IGFBP4: variants seen among roughly 807,000 people sequenced by gnomAD.
IGFBP4 encodes the protein insulin like growth factor binding protein 4.
Under a neutral mutation model 25.8 loss-of-function variants are expected in IGFBP4, and 9 were observed. The ratio of observed to expected loss-of-function variants is 0.35; its 90% CI spans 0.21 to 0.61. IGFBP4 has a LOEUF of 0.61. IGFBP4 is among the 20% of genes least tolerant of loss of function. IGFBP4 has a pLI of 0.77. For missense variants in IGFBP4, 315 were observed against 365.3 expected, an observed-to-expected ratio of 0.86 and a Z score of 1.12; for synonymous variants, 153 against 153.9, an observed-to-expected ratio of 0.99 and a Z score of 0.05.
chr17:40,453,987 G>C lies in IGFBP4; in HGVS notation c.567G>C (p.Gln189His), dbSNP rs1346163622. 1 of 1,613,498 alleles carries C rather than the reference G, an allele frequency of 6.2e-7. No individual in the cohort carries two copies. Among genetic ancestry groups the C allele is most frequent in the Admixed American group, 1.7e-5 (1 of 59,930 alleles). ...CGCTGGAGCGGCTGGCCGCTTCACAGAGCCGCACCCACGAGGACCTCTACA... is the reference window on the plus strand; with the variant it reads ...CGCTGGAGCGGCTGGCCGCTTCACACAGCCGCACCCACGAGGACCTCTACA... ...HRALERLAAS[Q>H]SRTHEDLYII... is the part of the protein sequence containing the mutation. The change falls in exon 3 of 4, where the codon CAG (glutamine) becomes CAC (histidine). Residue 189 changes from glutamine to histidine, a missense_variant. Gln to His is a conservative substitution (Grantham distance 24, BLOSUM62 0). Transcript: ENST00000269593. The surrounding 1 kb of genome is among the most constrained non-coding windows in gnomAD (Gnocchi z 4.0).
intron 3 of IGFBP4, among the ~76,000 whole-genome samples, chr17:40,454,372 A>G (rs1330147987): frequency 6.6e-5 from 10 of 152,116 alleles, no homozygotes; most frequent in Non-Finnish European, 7.4e-5. Flanking sequence ...TGTGGTGCAG[A>G]CCTAGCAACC....
rs1171196296 is a variant in IGFBP4 at position 40,453,852 on chromosome 17, A to T, written c.508-76A>T. On this transcript the variant is annotated intron_variant, in intron 2 of 3. Coordinates refer to ENST00000269593, the MANE Select transcript of IGFBP4 (RefSeq NM_001552.3). The surrounding 1 kb of genome is among the most constrained non-coding windows in gnomAD (Gnocchi z 4.0). ...CCTCCTTTCGGGGCCTTCAGTTCTC[A>T]CTTAGCTCTGACCCCAGGCCTGGGC... 6.8e-6 allele frequency: 8 copies of T among 1,174,264 alleles called. No homozygotes were observed. In the African/African-American group the frequency reaches 9.3e-5, roughly 14 times the overall value. The allele number at this position is 1,174,264 out of a possible 1,614,324, so 72.7% of individuals were successfully genotyped here.
intron 1 of IGFBP4, among the ~76,000 whole-genome samples, chr17:40,444,727 C>A (rs10305280): frequency 1.3e-5 from 2 of 152,018 alleles, no homozygotes; most frequent in Non-Finnish European, 2.9e-5. Flanking sequence ...TATACAGGCC[C>A]CCTGTTCTTT....
intron 1 of IGFBP4, among the ~76,000 whole-genome samples, chr17:40,452,336 TGTG>T: frequency 6.6e-6 from 1 of 152,266 alleles, no homozygotes; most frequent in South Asian, 2.1e-4. Flanking sequence ...AGGCTGTTCT[TGTG>T]GTCCTGGGGC....
At position 40,444,042 on chromosome 17, in the gene IGFBP4, C is replaced by G; in HGVS notation, c.307C>G (p.Leu103Val). ...GCACGGGCAAGGCGTGTGCATGGAG[C>G]TGGCGGAGATCGAGGCCATCCAGGA... ...LMHGQGVCME[L>V]AEIEAIQESL... The change falls in exon 1 of 4, where the codon CTG becomes GTG. Residue 103 changes from leucine (L) to valine (V), a missense_variant. Transcript: ENST00000269593. 6.5e-7 allele frequency: 1 copy of G among 1,538,936 alleles called. No individual in the cohort carries two copies.
intron 3 of IGFBP4, among the ~76,000 whole-genome samples, chr17:40,455,226 A>G (rs1597676927): frequency 6.6e-6 from 1 of 152,130 alleles, no homozygotes; most frequent in South Asian, 2.1e-4. Context: ...AACATCTTAC[A>G]TTTGTTGCAA....
intron 1 of IGFBP4, among the ~76,000 whole-genome samples, chr17:40,444,936 G>GAC (rs1597673193): frequency 0.054 from 1,896 of 35,360 alleles, 5 homozygotes; most frequent in South Asian, 0.086. Flanking sequence ...CAGAGACAGA[G>GAC]AGAGAGAGAG....
rs375068408 is a variant in IGFBP4, at chr17:40,452,853, C to G, written c.350-132C>G. ...GGCTGCTCTTGTTTCTTCCCGCTCCCCAGGCCCCCTGCTCTTCTCCAGCGC... is the reference window on the plus strand; with the variant it reads ...GGCTGCTCTTGTTTCTTCCCGCTCCGCAGGCCCCCTGCTCTTCTCCAGCGC... On this transcript the variant is annotated intron_variant, in intron 1 of 3. Transcript: ENST00000269593. 9.1e-6 allele frequency: 6 copies of G among 655,902 alleles called. No homozygotes were observed. The South Asian group carries it at 1.8e-4, about 19-fold the overall frequency. The allele number at this position is 655,902 out of a possible 1,614,324, so 40.6% of individuals were successfully genotyped here. A position where few individuals can be genotyped will look rare whatever the true frequency, so the allele number is the denominator to read the frequency against.
At chr17:40,445,586 C>G (rs910707529) in intron 1 of IGFBP4, among the ~76,000 whole-genome samples, 1 of 152,226 alleles carries the variant, frequency 6.6e-6, no homozygotes, top group Non-Finnish European at 1.5e-5. Context: ...CCTTCCTGCC[C>G]CTGGGTAGGG....
chr17:40,446,581 G>A lies in IGFBP4; in HGVS notation c.349+2497G>A, dbSNP rs1239042626. Among the ~76,000 whole-genome samples the A allele has an allele frequency of 2.6e-5, 4 of 152,076 alleles. No homozygotes were observed. The South Asian group carries it at 8.3e-4, about 31-fold the overall frequency. On this transcript the variant is annotated intron_variant, in intron 1 of 3. Transcript: ENST00000269593. Reference sequence around the variant, plus strand: ...CAGTGAACCAAGATTGTGCCACTGCGCTTTAGCCTGGGTGACAGAGCGAGA... The same window carrying A: ...CAGTGAACCAAGATTGTGCCACTGCACTTTAGCCTGGGTGACAGAGCGAGA...
chr17:40,443,927 G>A lies in IGFBP4; in HGVS notation c.192G>A (p.Gly64=), dbSNP rs1336325959. 4 of 1,531,306 alleles carry A rather than the reference G, an allele frequency of 2.6e-6. No individual in the cohort carries two copies. The highest frequency in any genetic ancestry group is 3.5e-6 in the Non-Finnish European group (4 of 1,144,082). The allele number at this position is 1,531,306 out of a possible 1,614,324, so 94.9% of individuals were successfully genotyped here. A position where few individuals can be genotyped will look rare whatever the true frequency, so the allele number is the denominator to read the frequency against. Residue 64 remains glycine, a synonymous_variant, in exon 1 of 4, where the codon GGG becomes GGA. Coordinates refer to ENST00000269593, the MANE Select transcript of IGFBP4 (RefSeq NM_001552.3). ...GCCATCALGL[G]MPCGVYTPRC... Reference sequence around the variant, plus strand: ...GCGCCACTTGCGCCCTGGGCTTGGGGATGCCCTGCGGGGTGTACACCCCCC... The same window carrying A: ...GCGCCACTTGCGCCCTGGGCTTGGGAATGCCCTGCGGGGTGTACACCCCCC...
chr17:40,451,028 A>G (rs2035679569), intron 1 of IGFBP4, among the ~76,000 whole-genome samples: 1 of 152,126 alleles, frequency 6.6e-6, no homozygotes, highest in South Asian at 2.1e-4. Context: ...TGGATCCCAG[A>G]TCTTTCTCTG....
intron 3 of IGFBP4, among the ~76,000 whole-genome samples, chr17:40,454,552 T>C (rs1235072560): frequency 6.6e-6 from 1 of 152,158 alleles, no homozygotes; most frequent in South Asian, 2.1e-4. Flanking sequence ...CAAAACCACC[T>C]GGGGTACAGC....
At position 40,451,079 on chromosome 17, in the gene IGFBP4, C is replaced by G. The variant is rs2035679849; in HGVS notation, c.350-1906C>G. ...CTCAGGATCCATCTCCTTATGGTCC[C>G]CTTGGCACAGTCCTCGTCTTCTGAA... On this transcript the variant is annotated intron_variant, in intron 1 of 3. Coordinates refer to ENST00000269593, the MANE Select transcript of IGFBP4 (RefSeq NM_001552.3). 2.0e-5 allele frequency among the ~76,000 whole-genome samples: 3 copies of G among 152,088 alleles called. No individual in the cohort carries two copies. The South Asian group carries it at 6.2e-4, about 32-fold the overall frequency.
At position 40,448,950 on chromosome 17, in the gene IGFBP4, A is replaced by G. The variant is rs568041819; in HGVS notation, c.350-4035A>G. Among the ~76,000 whole-genome samples the G allele has an allele frequency of 2.6e-5, 4 of 152,328 alleles. No homozygotes were observed. In the East Asian group the frequency reaches 7.7e-4, roughly 29 times the overall value. On this transcript the variant is annotated intron_variant, in intron 1 of 3. Transcript: ENST00000269593. ...CACGTGATTGTTTGTGTACACTTGC[A>G]GTTCTTGAGCCTGAGCCTGTCTGTG...
intron 1 of IGFBP4, among the ~76,000 whole-genome samples, chr17:40,444,386 G>T (rs1331493244): frequency 6.6e-6 from 1 of 152,122 alleles, no homozygotes; most frequent in Non-Finnish European, 1.5e-5. Context: ...AGGAGTGGCA[G>T]ATTAAGGTCC....
rs2035702631 is a variant in IGFBP4 at position 40,454,189 on chromosome 17, G to A, written c.642+127G>A. ...CTCCTCAACCCCAACCCAACCCCTTGGAGCCTCCCTAAACCTACCTCAGCG... is the reference window on the plus strand; with the variant it reads ...CTCCTCAACCCCAACCCAACCCCTTAGAGCCTCCCTAAACCTACCTCAGCG... On this transcript the variant is annotated intron_variant, in intron 3 of 3. Transcript: ENST00000269593. The A allele has an allele frequency of 2.2e-6, 3 of 1,363,096 alleles. No individual in the cohort carries two copies. In the South Asian group the frequency reaches 4.5e-5, roughly 21 times the overall value. 84.4% of individuals were successfully genotyped at this position (1,363,096 alleles called of 1,614,324 possible).
At chr17:40,447,647 T>C (rs2035656810) in intron 1 of IGFBP4, among the ~76,000 whole-genome samples, 2 of 152,106 alleles carry the variant, frequency 1.3e-5, no homozygotes, top group African/African-American at 4.8e-5. Flanking sequence ...GTGCCTCGGG[T>C]ATCAGGAGTC....
chr17:40,448,428 C>T (rs867994514), intron 1 of IGFBP4, among the ~76,000 whole-genome samples: 1 of 152,218 alleles, frequency 6.6e-6, no homozygotes, highest in East Asian at 1.9e-4. Context: ...CCAAGCTGGG[C>T]GCTGTAGGAG....
Sources: allele counts gnomAD v4.1 joint callset (sites outside exome capture counted in the v4.1 genomes callset), GRCh38; gene constraint gnomAD v4.1.1; non-coding constraint Gnocchi (gnomAD v3.1); transcripts MANE v1.5; gene names NCBI Gene and HGNC (gene_info 2026-07-23, HGNC 2026-07-21).